Variants in STK3 observed in about 807,000 individuals in gnomAD.
STK3 encodes the protein serine/threonine-protein kinase 3.
In STK3, 41 loss-of-function variants were observed where a neutral mutation model predicts 58.0. The observed-to-expected ratio is 0.71, with a 90% CI of 0.55 to 0.92. The LOEUF is 0.92. STK3 is among the 40% of genes least tolerant of loss of function. The pLI is 0.00. For synonymous variants in STK3, 170 were observed against 191.0 expected, an observed-to-expected ratio of 0.89 and a Z score of 0.91; for missense variants, 479 against 602.7, an observed-to-expected ratio of 0.79 and a Z score of 2.15.
chr8:98,608,089 A>G (rs116736316), intron 6 of STK3, among the ~76,000 whole-genome samples: 163 of 152,312 alleles, frequency 1.1e-3, no homozygotes, highest in African/African-American at 3.4e-3. Flanking sequence ...ATCACTGTTG[A>G]ATTTTGGTGT....
chr8:98,849,029 A>G (rs1017384919), intron 3 of STK3, among the ~76,000 whole-genome samples: 9 of 152,100 alleles, frequency 5.9e-5, no homozygotes, highest in African/African-American at 2.2e-4. Flanking sequence ...GTTCGAGACC[A>G]TCCTGGCTAA....
intron 8 of STK3, among the ~76,000 whole-genome samples, chr8:98,567,578 A>G (rs1383302639): frequency 6.6e-6 from 1 of 152,200 alleles, no homozygotes; most frequent in Non-Finnish European, 1.5e-5. Context: ...GCTACCTTAC[A>G]GAAGTTTTCC....
upstream of STK3, among the ~76,000 whole-genome samples, chr8:98,827,530 A>G (rs1180433629): frequency 6.6e-6 from 1 of 152,226 alleles, no homozygotes; most frequent in Non-Finnish European, 1.5e-5. Context: ...CTCTTTTTGC[A>G]TTATTTTAAG....
At chr8:98,387,872 C>CTTTTTT (rs1178928185) in intron 1 of STK3, among the ~76,000 whole-genome samples, 1,998 of 144,596 alleles carry the variant, frequency 0.014, 73 homozygotes, top group African/African-American at 0.05. Context: ...TGTAAAATGC[C>CTTTTTT]CTTTTTTTTT....
intron 4 of STK3, among the ~76,000 whole-genome samples, chr8:98,707,687 G>A (rs1826062443): frequency 6.6e-6 from 1 of 151,950 alleles, no homozygotes; most frequent in Non-Finnish European, 1.5e-5. Context: ...TTATAGGTGT[G>A]AGCCACCATG....
chr8:98,738,082 G>C (rs1828773517), intron 4 of STK3, among the ~76,000 whole-genome samples: 1 of 152,192 alleles, frequency 6.6e-6, no homozygotes, highest in South Asian at 2.1e-4. Flanking sequence ...GATATTCTAT[G>C]ATCATGCATT....
intron 4 of STK3, among the ~76,000 whole-genome samples, chr8:98,727,925 A>G (rs1827895099): frequency 6.6e-6 from 1 of 152,244 alleles, no homozygotes; most frequent in South Asian, 2.1e-4. Flanking sequence ...CAGAAAAATC[A>G]ATGGTTTCGA....
intron 3 of STK3, among the ~76,000 whole-genome samples, chr8:98,850,482 G>T (rs1022399131): frequency 1.2e-4 from 18 of 152,204 alleles, no homozygotes; most frequent in Non-Finnish European, 1.5e-5. Context: ...GTAAGCTCAT[G>T]GGGCTTACAA....
At chr8:98,924,161 TTCCCCG>T (rs1839695572) in intron 1 of STK3, among the ~76,000 whole-genome samples, 1 of 152,200 alleles carries the variant, frequency 6.6e-6, no homozygotes, top group Non-Finnish European at 1.5e-5. Flanking sequence ...GTGGAGGCTG[TTCCCCG>T]TCCTTGGCAG....
intron 6 of STK3, among the ~76,000 whole-genome samples, chr8:98,614,199 C>T (rs1486931603): frequency 6.6e-6 from 1 of 152,046 alleles, no homozygotes; most frequent in Admixed American, 6.5e-5. Context: ...TTATAGAATA[C>T]CCCACCTCAA....
chr8:98,507,835 C>T (rs1824212136), intron 10 of STK3, among the ~76,000 whole-genome samples: 1 of 152,102 alleles, frequency 6.6e-6, no homozygotes, highest in Non-Finnish European at 1.5e-5. Flanking sequence ...GGCTCACTCC[C>T]TGCTTGGTCC....
intron 6 of STK3, among the ~76,000 whole-genome samples, chr8:98,636,201 T>C (rs1244701077): frequency 6.6e-6 from 1 of 152,198 alleles, no homozygotes; most frequent in East Asian, 1.9e-4. Context: ...TCACTGTACA[T>C]ATGGGAAAAA....
At chr8:98,406,048 A>T (rs1817989603) in intron 3 of STK3, among the ~76,000 whole-genome samples, 1 of 152,010 alleles carries the variant, frequency 6.6e-6, no homozygotes, top group Admixed American at 6.6e-5. Context: ...TAACCATCTG[A>T]ATTTGGCACC....
intron 6 of STK3, among the ~76,000 whole-genome samples, chr8:98,612,873 A>G (rs969506908): frequency 3.9e-5 from 6 of 152,146 alleles, no homozygotes; most frequent in Admixed American, 3.9e-4. Context: ...ACAAGTAGGG[A>G]GCCAAGAATT....
chr8:98,817,013 A>C (rs769487535), intron 1 of STK3, among the ~76,000 whole-genome samples: 1 of 152,204 alleles, frequency 6.6e-6, no homozygotes. Flanking sequence ...CAAGCCATAC[A>C]TGTGTTCTGT....
chr8:98,898,905 C>A (rs867591275), intron 1 of STK3, among the ~76,000 whole-genome samples: 5 of 152,268 alleles, frequency 3.3e-5, no homozygotes, highest in Middle Eastern at 3.4e-3. Context: ...CGGCCACAGC[C>A]AGTAACAAAA....
chr8:98,870,779 C>T (rs1837342500), intron 3 of STK3, among the ~76,000 whole-genome samples: 1 of 152,062 alleles, frequency 6.6e-6, no homozygotes, highest in African/African-American at 2.4e-5. Flanking sequence ...AATTTTTCTC[C>T]CATTCTATAG....
At chr8:98,626,885 C>G (rs184219129) in intron 6 of STK3, among the ~76,000 whole-genome samples, 9 of 152,306 alleles carry the variant, frequency 5.9e-5, no homozygotes, top group Admixed American at 4.6e-4. Context: ...GATTCTAGCT[C>G]CACACTGCTT....
intron 9 of STK3, among the ~76,000 whole-genome samples, chr8:98,545,380 C>T (rs567057014): frequency 2.0e-5 from 3 of 152,134 alleles, no homozygotes; most frequent in East Asian, 1.9e-4. Context: ...AGACTGGGAG[C>T]GGGAGGGTAA....
Sources: allele counts gnomAD v4.1 joint callset (sites outside exome capture counted in the v4.1 genomes callset), GRCh38; gene constraint gnomAD v4.1.1; transcripts MANE v1.5; gene names NCBI Gene and HGNC (gene_info 2026-07-23, HGNC 2026-07-21).